Variants in NBEA observed in about 807,000 individuals in gnomAD.
NBEA encodes lysosomal-trafficking regulator 2.
A neutral mutation model predicts 343.4 loss-of-function variants in NBEA; 44 were observed. That is an observed-to-expected ratio of 0.13 (90% CI 0.10 to 0.16). NBEA has a LOEUF of 0.16. NBEA is among the 10% of genes least tolerant of loss of function. The pLI is 1.00. For missense variants in NBEA, 2,555 were observed against 3,631.3 expected (o/e 0.70, Z 7.62); for synonymous variants, 1,175 against 1,238.7 (o/e 0.95, Z 1.08).
rs574786657 is a variant in NBEA at position 35,189,065 on chromosome 13, C to T, written c.4927+4994C>T. Reference sequence around the variant, plus strand: ...TCCTGAGTAGCTTGGATTACAGGCACGCCCCACCATGCTGGGCTAATTTTT... The same window carrying T: ...TCCTGAGTAGCTTGGATTACAGGCATGCCCCACCATGCTGGGCTAATTTTT... On this transcript the variant is annotated intron_variant, in intron 30 of 58. Transcript: ENST00000379939. 1.1e-4 allele frequency among the ~76,000 whole-genome samples: 16 copies of T among 151,672 alleles called. No homozygotes were observed. In the East Asian group the frequency reaches 1.6e-3, roughly 15 times the overall value.
rs1260924006 is a variant in NBEA, at chr13:35,290,454, C to T, written c.5838+4C>T. The T allele has an allele frequency of 6.2e-7, 1 of 1,601,630 alleles. No individual in the cohort carries two copies. Among genetic ancestry groups the T allele is most frequent in the African/African-American group, 1.3e-5 (1 of 74,648 alleles). On this transcript the variant is annotated splice_donor_region_variant and intron_variant, in intron 35 of 58. Transcript: ENST00000379939. Reference sequence around the variant, plus strand: ...TGTTATGCTGCTTTGTTCTCAGGTACAAAATCCCATTCACTCAGTTACATT... The same window carrying T: ...TGTTATGCTGCTTTGTTCTCAGGTATAAAATCCCATTCACTCAGTTACATT...
intron 36 of NBEA, among the ~76,000 whole-genome samples, chr13:35,321,127 G>A (rs1193125463): frequency 1.3e-5 from 2 of 151,966 alleles, no homozygotes; most frequent in African/African-American, 4.8e-5. Flanking sequence ...ATCCAGTTTC[G>A]TTCCCCTGCT....
rs2060645133 is a variant in NBEA, at chr13:34,988,658, AT to A, written c.294+45546del. Among the ~76,000 whole-genome samples the A allele has an allele frequency of 2.0e-5, 3 of 150,900 alleles. 1 individual carries two copies. The highest frequency in any genetic ancestry group is 4.5e-5 in the Non-Finnish European group (3 of 67,398). The stretch of plus-strand genomic sequence containing the variant: ...TTTGCTGCGGACCAGAGCTGTTCCT[AT>A]TCGGCCATCTTGGACTGACCTTTGT... On this transcript the variant is annotated intron_variant, in intron 1 of 58. Coordinates refer to ENST00000379939, the MANE Select transcript of NBEA (RefSeq NM_001385012.1).
At chr13:35,432,173 A>G (rs932311053) in intron 38 of NBEA, 96 bp from the exon 39 acceptor site, 4 of 1,052,398 alleles carry the variant, frequency 3.8e-6, no homozygotes, top group East Asian at 2.9e-5. Flanking sequence ...TAATTTTTCA[A>G]TGAGACCAAC....
chr13:35,264,670 A>T (rs1212137704), intron 34 of NBEA, among the ~76,000 whole-genome samples: 5 of 151,932 alleles, frequency 3.3e-5, no homozygotes, highest in Non-Finnish European at 7.4e-5. Flanking sequence ...TGAATAGATG[A>T]AGAAAAAGCA....
At chr13:35,235,112 A>G (rs1449704289) in intron 34 of NBEA, among the ~76,000 whole-genome samples, 3 of 152,210 alleles carry the variant, frequency 2.0e-5, no homozygotes, top group African/African-American at 7.2e-5. Context: ...TATGTTAGCT[A>G]AAAGTGGTGG....
chr13:35,502,756 A>T (rs1365812053), intron 41 of NBEA, among the ~76,000 whole-genome samples: 1 of 152,092 alleles, frequency 6.6e-6, no homozygotes, highest in Non-Finnish European at 1.5e-5. Flanking sequence ...GTTTAGCAGC[A>T]CATCCGTGCT....
At chr13:35,475,092 G>C (rs775644700) in intron 41 of NBEA, 1 of 1,614,048 alleles carries the variant, frequency 6.2e-7, no homozygotes, top group South Asian at 1.1e-5. Flanking sequence ...GGTTGGTCAG[G>C]ATCTCTCTTG....
chr13:35,033,931 A>C (rs1259012242), intron 1 of NBEA, among the ~76,000 whole-genome samples: 3 of 151,648 alleles, frequency 2.0e-5, no homozygotes, highest in Non-Finnish European at 3.0e-5. Flanking sequence ...TTCAGGTATA[A>C]GATTCTATCA....
chr13:35,172,785 A>C (rs945062971), intron 26 of NBEA, among the ~76,000 whole-genome samples: 4 of 152,144 alleles, frequency 2.6e-5, no homozygotes, highest in African/African-American at 9.7e-5. Flanking sequence ...TAGTTTAAGC[A>C]GCTAGCCTAA....
intron 35 of NBEA, among the ~76,000 whole-genome samples, chr13:35,294,342 A>T (rs1314176968): frequency 2.0e-5 from 3 of 152,064 alleles, no homozygotes; most frequent in Non-Finnish European, 2.9e-5. Context: ...AAAAGAAAAA[A>T]ATATACTTTT....
intron 35 of NBEA, among the ~76,000 whole-genome samples, chr13:35,307,258 G>A (rs923521633): frequency 4.0e-5 from 6 of 151,852 alleles, no homozygotes; most frequent in African/African-American, 7.3e-5. Context: ...GTGGAAAGGC[G>A]TGTAACAACA....
At chr13:35,600,259 C>T (rs1176079590) in intron 47 of NBEA, among the ~76,000 whole-genome samples, 4 of 152,276 alleles carry the variant, frequency 2.6e-5, no homozygotes, top group Admixed American at 2.6e-4. Flanking sequence ...CCTTTTTAAA[C>T]AGTTGCTCCC....
intron 1 of NBEA, among the ~76,000 whole-genome samples, chr13:34,968,034 G>C (rs1250674888): frequency 1.3e-5 from 2 of 152,038 alleles, no homozygotes; most frequent in African/African-American, 2.4e-5. Flanking sequence ...ACTTCCCTCA[G>C]GTTCTGTAAT....
chr13:35,603,186 C>A (rs9544778), intron 47 of NBEA, among the ~76,000 whole-genome samples: 1 of 151,740 alleles, frequency 6.6e-6, no homozygotes, highest in African/African-American at 2.4e-5. Flanking sequence ...TTTTTCTGAC[C>A]ATCTGTGTAT....
chr13:34,951,677 G>A (rs1325561987), intron 1 of NBEA, among the ~76,000 whole-genome samples: 1 of 152,162 alleles, frequency 6.6e-6, no homozygotes, highest in Non-Finnish European at 1.5e-5. Flanking sequence ...TTTGCATGAG[G>A]AGGGTGAGAA....
chr13:34,947,164 G>A (rs2059210347), intron 1 of NBEA, among the ~76,000 whole-genome samples: 1 of 151,894 alleles, frequency 6.6e-6, no homozygotes, highest in African/African-American at 2.4e-5. Context: ...ATAAAATTCA[G>A]GATTCATATG....
At chr13:35,668,177 A>G (rs1252826559) in intron 57 of NBEA, among the ~76,000 whole-genome samples, 191 bp from the exon 58 acceptor site, 3 of 152,206 alleles carry the variant, frequency 2.0e-5, no homozygotes, top group Non-Finnish European at 2.9e-5. Flanking sequence ...GAATTCCACA[A>G]TGGAAATTCT....
chr13:35,012,842 G>T (rs2061530661), intron 1 of NBEA, among the ~76,000 whole-genome samples: 2 of 151,974 alleles, frequency 1.3e-5, no homozygotes, highest in African/African-American at 4.8e-5. Flanking sequence ...GTTCTTATTA[G>T]AAACTTGATA....
Sources: gnomAD v4.1 joint callset for allele counts (sites outside exome capture counted in the v4.1 genomes callset) on GRCh38, gnomAD v4.1.1 for gene constraint, MANE v1.5 for transcripts, NCBI Gene and HGNC (gene_info 2026-07-23, HGNC 2026-07-21) for gene names.